The following LETM1 variants were observed in gnomAD, a reference collection of about 807,000 sequenced individuals.
The protein encoded by LETM1 is leucine zipper and EF-hand containing transmembrane protein 1.
In LETM1, 50 loss-of-function variants were observed where a neutral mutation model predicts 74.5. That is an observed-to-expected ratio of 0.67 (90% CI 0.53 to 0.85). The LOEUF is 0.85. Ranked by LOEUF, LETM1 falls within the 40% of genes least tolerant of loss-of-function variation. The pLI is 0.00. For missense variants in LETM1, 824 were observed against 967.8 expected (o/e 0.85, Z 1.97); for synonymous variants, 446 against 407.1 (o/e 1.10, Z -1.15).
rs1240037266 is a variant in LETM1, at chr4:1,841,716, C to G, written c.225G>C (p.Leu75=). Residue 75 remains leucine, a synonymous_variant, in exon 3 of 14, where the codon CTG becomes CTC. Coordinates refer to ENST00000302787, the MANE Select transcript of LETM1 (RefSeq NM_012318.3). ...ACACTATGCGAAGGCACTCGGGCCTCAGAGCCCAACAGCCGAGGTGATCGC... is the reference window on the plus strand; with the variant it reads ...ACACTATGCGAAGGCACTCGGGCCTGAGAGCCCAACAGCCGAGGTGATCGC... ...SRGDHLGCWA[L]RPECLRIVSR... is the part of the protein sequence containing the mutation. The G allele has an allele frequency of 6.2e-7, 1 of 1,614,206 alleles. No individual in the cohort carries two copies.
chr4:1,831,120 C>T (rs144168968), intron 6 of LETM1, among the ~76,000 whole-genome samples: 2 of 152,236 alleles, frequency 1.3e-5, no homozygotes, highest in Non-Finnish European at 2.9e-5. Flanking sequence ...TCGTCCCCCC[C>T]AGCTTACTGC....
intron 1 of LETM1, among the ~76,000 whole-genome samples, chr4:1,854,866 T>C (rs1713185654): frequency 1.3e-5 from 2 of 151,544 alleles, no homozygotes; most frequent in Non-Finnish European, 2.9e-5. Context: ...TCAATCTATC[T>C]CTTTGGGGGT....
intron 3 of LETM1, among the ~76,000 whole-genome samples, chr4:1,837,353 A>C (rs540497439): frequency 2.0e-5 from 3 of 152,312 alleles, no homozygotes; most frequent in African/African-American, 7.2e-5. Flanking sequence ...CATGGGCACA[A>C]AACAGTGGCT....
At chr4:1,845,960 G>C (rs1443890472) in intron 2 of LETM1, among the ~76,000 whole-genome samples, 1 of 151,192 alleles carries the variant, frequency 6.6e-6, no homozygotes, top group Non-Finnish European at 1.5e-5. Context: ...TGGGTTCAAG[G>C]GATTCTCCTG....
At chr4:1,825,793 C>T (rs1353634896) in intron 6 of LETM1, 110 bp from the exon 7 acceptor site, 2 of 1,264,408 alleles carry the variant, frequency 1.6e-6, no homozygotes, top group East Asian at 2.6e-5. Flanking sequence ...AAGCAAGAAT[C>T]AAACCACGGC....
intron 7 of LETM1, 29 bp downstream of exon 7, chr4:1,825,535 G>C (rs765753156): frequency 7.5e-6 from 12 of 1,593,312 alleles, no homozygotes; most frequent in Non-Finnish European, 1.0e-5. Context: ...AGCCCGTGCC[G>C]GCCTGGCACC....
In LETM1 at chr4:1,828,775, C is replaced by T. The variant is rs1348034820; in HGVS notation, c.1081-3092G>A. On this transcript the variant is annotated intron_variant, in intron 6 of 13. Transcript: ENST00000302787. ...AGGGGCGGCCGGGCAGAGGCGCCCC[C>T]CACCCCCCGGACGGGGCGGCTGGCC... 5.3e-4 allele frequency among the ~76,000 whole-genome samples: 71 copies of T among 134,166 alleles called. No homozygotes were observed. In the Middle Eastern group the frequency reaches 0.015, roughly 29 times the overall value. The allele number at this position is 134,166 out of a possible 152,430, so 88.0% of individuals were successfully genotyped here.
intron 6 of LETM1, 143 bp downstream of exon 6, chr4:1,832,601 G>C (rs1413129759): frequency 1.4e-6 from 1 of 701,734 alleles, no homozygotes; most frequent in Admixed American, 2.7e-5. Context: ...TCTGCAATCT[G>C]CAAGTGGCAA....
chr4:1,848,769 A>G (rs1048889213), intron 2 of LETM1, among the ~76,000 whole-genome samples: 4 of 151,324 alleles, frequency 2.6e-5, no homozygotes, highest in Non-Finnish European at 4.4e-5. Context: ...CCAAGAACCT[A>G]CAGACATTAA....
rs200375645 is a variant in LETM1, at chr4:1,841,657, A to G, written c.284T>C (p.Phe95Ser). 1.5e-5 allele frequency: 25 copies of G among 1,614,062 alleles called. No homozygotes were observed. The highest frequency in any genetic ancestry group is 2.1e-5 in the Non-Finnish European group (25 of 1,180,028). ...AAGGCACTGAGGTCCCACAGCCACA[A>G]AACCCACAGAGGTAGAGGTCCATGG... ...RAPWTSTSVGFVAVGPQCLPV... is the reference protein window; with the variant it reads ...RAPWTSTSVGSVAVGPQCLPV... Residue 95 changes from phenylalanine (F) to serine (S), a missense_variant, in exon 3 of 14, where the codon TTT (phenylalanine) becomes TCT (serine). This residue lies in a region of LETM1 where 222 missense variants were observed against 195.6 expected (regional missense o/e 1.14). Coordinates refer to ENST00000302787, the MANE Select transcript of LETM1 (RefSeq NM_012318.3).
intron 6 of LETM1, among the ~76,000 whole-genome samples, chr4:1,831,796 A>G (rs947534304): frequency 2.0e-5 from 3 of 152,380 alleles, no homozygotes; most frequent in African/African-American, 7.2e-5. Flanking sequence ...CACTGCCCTG[A>G]ACCTCTTTGT....
Position 1,814,473 on chromosome 4 carries a change from T to G in LETM1, c.2171A>C (p.Glu724Ala). 1.2e-6 allele frequency: 2 copies of G among 1,614,138 alleles called. No homozygotes were observed. The highest frequency in any genetic ancestry group is 1.7e-6 in the Non-Finnish European group (2 of 1,179,954). The change falls in exon 14 of 14, where the codon GAG becomes GCG. Residue 724 changes from glutamate to alanine, a missense_variant. By Grantham distance (107) the Glu-to-Ala change is moderately radical (BLOSUM62 -1). Around this residue, in one of 4 missense-constraint regions of LETM1, gnomAD observed 161 missense variants for 252.7 expected, o/e 0.64. Coordinates refer to ENST00000302787, the MANE Select transcript of LETM1 (RefSeq NM_012318.3). ...LEKEEKVEEK[E>A]KAKEKAEKEV... Reference sequence around the variant, plus strand: ...CTTCTCTGCCTTCTCTTTGGCCTTCTCCTTCTCCTCCACCTTCTCCTCTTT... The same window carrying G: ...CTTCTCTGCCTTCTCTTTGGCCTTCGCCTTCTCCTCCACCTTCTCCTCTTT...
intron 3 of LETM1, among the ~76,000 whole-genome samples, chr4:1,838,598 GC>G (rs1712571262): frequency 6.6e-6 from 1 of 152,214 alleles, no homozygotes; most frequent in Non-Finnish European, 1.5e-5. Flanking sequence ...GATCCCTTAT[GC>G]CCGGGAGGGC....
intron 1 of LETM1, among the ~76,000 whole-genome samples, chr4:1,855,023 C>G (rs1713189846): frequency 6.6e-6 from 1 of 150,584 alleles, no homozygotes. Flanking sequence ...CCTGTCTCTA[C>G]AAAAAAACTA....
At chr4:1,817,405 C>G (rs1389805763) in intron 11 of LETM1, among the ~76,000 whole-genome samples, 1 of 151,708 alleles carries the variant, frequency 6.6e-6, no homozygotes, top group Non-Finnish European at 1.5e-5. Flanking sequence ...AAAATTCAAA[C>G]AAAAAATTAG....
chr4:1,823,305 C>A (rs995573144), intron 8 of LETM1, among the ~76,000 whole-genome samples, 174 bp from the exon 9 acceptor site: 3 of 152,136 alleles, frequency 2.0e-5, no homozygotes, highest in African/African-American at 7.2e-5. Context: ...GCCCCTGGGC[C>A]GCCCTCTGCG....
chr4:1,818,392 T>C (rs1711651068), intron 11 of LETM1, among the ~76,000 whole-genome samples: 1 of 151,956 alleles, frequency 6.6e-6, no homozygotes, highest in Non-Finnish European at 1.5e-5. Flanking sequence ...GGCGGGTGGA[T>C]CATGAGGTCA....
chr4:1,855,801 C>G (rs1713221005), intron 1 of LETM1, 68 bp downstream of exon 1: 1 of 971,684 alleles, frequency 1.0e-6, no homozygotes, highest in Non-Finnish European at 1.3e-6. Flanking sequence ...AGCCCGAACC[C>G]GCGGGTCGTC....
intron 9 of LETM1, 148 bp from the exon 10 acceptor site, chr4:1,822,460 T>C: frequency 4.3e-6 from 4 of 929,450 alleles, no homozygotes; most frequent in Non-Finnish European, 5.7e-6. Flanking sequence ...AGAAGGTCCC[T>C]AGGGAGGCTC....
Sources: gnomAD v4.1 joint callset for allele counts (sites outside exome capture counted in the v4.1 genomes callset) on GRCh38, gnomAD v4.1.1 for gene constraint, gnomAD v4.1.1 regional missense constraint, MANE v1.5 for transcripts, NCBI Gene and HGNC (gene_info 2026-07-23, HGNC 2026-07-21) for gene names.